Variants in TBXAS1 observed in about 807,000 individuals in gnomAD.
TBXAS1 encodes thromboxane-A synthase.
A neutral mutation model predicts 60.7 loss-of-function variants in TBXAS1; 48 were observed. The ratio of observed to expected loss-of-function variants is 0.79; its 90% CI spans 0.63 to 1.01. The LOEUF (loss-of-function observed/expected upper bound fraction) is 1.01, where lower values mean the gene tolerates loss of function less well. Ranked by LOEUF, TBXAS1 falls within the 50% of genes least tolerant of loss-of-function variation. The pLI is 0.00. For synonymous variants in TBXAS1, 287 were observed against 269.7 expected (o/e 1.06, Z -0.63); for missense variants, 685 against 686.3 (o/e 1.00, Z 0.02).
intron 4 of TBXAS1, among the ~76,000 whole-genome samples, chr7:139,791,808 G>GTTTTTTTTTTT (rs10617891): frequency 1.4e-5 from 1 of 70,368 alleles, no homozygotes; most frequent in Non-Finnish European, 4.6e-5. Flanking sequence ...GGAATGTTTT[G>GTTTTTTTTTTT]TTTTTTTTTT....
chr7:139,946,111 T>C (rs1418007601), intron 5 of TBXAS1, among the ~76,000 whole-genome samples: 1 of 152,108 alleles, frequency 6.6e-6, no homozygotes, highest in African/African-American at 2.4e-5. Flanking sequence ...GGTGGGAGGA[T>C]CGTTTGAACC....
At chr7:139,832,386 A>G (rs992040248) in intron 1 of TBXAS1, among the ~76,000 whole-genome samples, 1 of 149,334 alleles carries the variant, frequency 6.7e-6, no homozygotes, top group African/African-American at 2.5e-5. Flanking sequence ...AAGGTCTTTG[A>G]ATTAACTGAA....
chr7:139,971,124 C>T (rs1811162343), intron 9 of TBXAS1, among the ~76,000 whole-genome samples: 1 of 152,156 alleles, frequency 6.6e-6, no homozygotes, highest in Non-Finnish European at 1.5e-5. Context: ...CCAAGGTACC[C>T]ACCTCCTGTC....
At chr7:140,000,957 C>T (rs1249533474) in intron 9 of TBXAS1, among the ~76,000 whole-genome samples, 2 of 152,250 alleles carry the variant, frequency 1.3e-5, no homozygotes, top group Non-Finnish European at 2.9e-5. Flanking sequence ...GTTCACTCTA[C>T]TCTGCAAGAT....
chr7:139,811,082 A>G (rs971480602), intron 4 of TBXAS1, among the ~76,000 whole-genome samples: 2 of 152,260 alleles, frequency 1.3e-5, no homozygotes, highest in Admixed American at 1.3e-4. Context: ...GTTCACCTGA[A>G]TTTAATTCAA....
intron 1 of TBXAS1, among the ~76,000 whole-genome samples, chr7:139,860,412 T>C (rs1314199440): frequency 6.6e-6 from 1 of 152,220 alleles, no homozygotes; most frequent in African/African-American, 2.4e-5. Flanking sequence ...TAAGTTGGCG[T>C]GGTAGCTGAA....
intron 9 of TBXAS1, among the ~76,000 whole-genome samples, chr7:139,982,874 C>T (rs186413735): frequency 1.3e-5 from 2 of 152,250 alleles, no homozygotes; most frequent in East Asian, 3.9e-4. Flanking sequence ...AAAATTTTTG[C>T]TCATTTGTGG....
chr7:140,008,447 C>CTTTT (rs35875761), intron 10 of TBXAS1, among the ~76,000 whole-genome samples: 1 of 126,056 alleles, frequency 7.9e-6, no homozygotes, highest in South Asian at 2.6e-4. Context: ...TTCTTTTATT[C>CTTTT]TTTTTTTTTT....
At chr7:139,974,275 C>T (rs753012607) in intron 9 of TBXAS1, among the ~76,000 whole-genome samples, 8 of 152,170 alleles carry the variant, frequency 5.3e-5, no homozygotes, top group Non-Finnish European at 1.2e-4. Flanking sequence ...ACTGTTTTTG[C>T]AGTCCCACTT....
chr7:139,853,480 A>T (rs1800367064), intron 1 of TBXAS1, among the ~76,000 whole-genome samples: 1 of 152,226 alleles, frequency 6.6e-6, no homozygotes, highest in South Asian at 2.1e-4. Context: ...CAGTGTTCCC[A>T]TCTGCAAAAC....
Position 139,852,482 on chromosome 7 carries a change from C to T in TBXAS1, c.90-19753C>T, listed in dbSNP as rs1009655824. Among the ~76,000 whole-genome samples, 2 of 152,188 alleles carry T rather than the reference C, an allele frequency of 1.3e-5. No homozygotes were observed. Among genetic ancestry groups the T allele is most frequent in the Non-Finnish European group, 2.9e-5 (2 of 68,038 alleles). ...GAGATTCAGGGCTCTTGGACTAGAA[C>T]TCTTGCCTTTTGACTTTGTCCTGTA... On this transcript the variant is annotated intron_variant, in intron 1 of 12. Coordinates refer to ENST00000448866, the MANE Select transcript of TBXAS1 (RefSeq NM_001061.7). This position sits in a 1 kb window ranked among gnomAD's most constrained non-coding sequence, Gnocchi z 4.4.
At chr7:139,953,493 T>C in intron 6 of TBXAS1, 37 bp downstream of exon 6, 2 of 1,581,326 alleles carry the variant, frequency 1.3e-6, no homozygotes, top group Non-Finnish European at 1.7e-6. Flanking sequence ...AATCGAGTTT[T>C]TGAATCACTG....
chr7:139,959,384 G>A (rs1810141983), intron 8 of TBXAS1, among the ~76,000 whole-genome samples: 1 of 152,192 alleles, frequency 6.6e-6, no homozygotes, highest in African/African-American at 2.4e-5. Flanking sequence ...AGCTCTAGCC[G>A]ATGGGTGGAT....
rs149211966 is a variant in TBXAS1 at position 139,805,136 on chromosome 7, T to C, written c.-80+17710T>C. On this transcript the variant is annotated intron_variant, in intron 4 of 16. Transcript: ENST00000336425. ...GCTGGGGGTGTCCTAACAGCAATCC[T>C]GATCACAGCCATCAGTGGCGCTAGC... Among the ~76,000 whole-genome samples the C allele has an allele frequency of 9.2e-5, 14 of 152,380 alleles. No individual in the cohort carries two copies. In the East Asian group the frequency reaches 2.5e-3, roughly 27 times the overall value.
At chr7:139,937,115 G>GTCTGGCTTTGGTGTTTGCTGT (rs1341718758) in intron 5 of TBXAS1, among the ~76,000 whole-genome samples, 1 of 152,178 alleles carries the variant, frequency 6.6e-6, no homozygotes, top group Non-Finnish European at 1.5e-5. Flanking sequence ...TCAATTGCTG[G>GTCTGGCTTTGGTGTTTGCTGT]TCTGGCTTTG....
At chr7:139,966,187 A>G (rs945531145) in intron 9 of TBXAS1, among the ~76,000 whole-genome samples, 2 of 152,016 alleles carry the variant, frequency 1.3e-5, no homozygotes, top group African/African-American at 4.8e-5. Context: ...CTTCCCTTGT[A>G]TTTGTCAATG....
chr7:139,870,265 T>A (rs1317903284), intron 1 of TBXAS1, among the ~76,000 whole-genome samples: 1 of 152,232 alleles, frequency 6.6e-6, no homozygotes, highest in Non-Finnish European at 1.5e-5. Flanking sequence ...TTAGCATGTG[T>A]AATTAGGCAC....
intron 4 of TBXAS1, among the ~76,000 whole-genome samples, chr7:139,806,922 A>T (rs1797892922): frequency 6.6e-6 from 1 of 152,196 alleles, no homozygotes; most frequent in African/African-American, 2.4e-5. Flanking sequence ...TCCTTTGAAC[A>T]GTGATTGTCT....
chr7:139,806,922 A>G (rs1797892922), intron 4 of TBXAS1, among the ~76,000 whole-genome samples: 1 of 152,196 alleles, frequency 6.6e-6, no homozygotes, highest in Admixed American at 6.5e-5. Flanking sequence ...TCCTTTGAAC[A>G]GTGATTGTCT....
Sources: gnomAD v4.1 joint callset for allele counts (sites outside exome capture counted in the v4.1 genomes callset) on GRCh38, gnomAD v4.1.1 for gene constraint, Gnocchi (gnomAD v3.1) non-coding constraint, MANE v1.5 for transcripts, NCBI Gene and HGNC (gene_info 2026-07-23, HGNC 2026-07-21) for gene names.